The following LIMCH1 variants were observed in gnomAD, a reference collection of about 807,000 sequenced individuals.
LIMCH1 encodes the protein LIM and calponin homology domains 1.
LIMCH1 carries 113 observed loss-of-function variants against 176.5 expected under a neutral mutation model. The observed-to-expected ratio is 0.64, with a 90% CI of 0.55 to 0.75. The LOEUF is 0.75. Ranked by LOEUF, LIMCH1 falls within the 30% of genes least tolerant of loss-of-function variation. The pLI is 0.00. For missense variants in LIMCH1, 1,674 were observed against 1,814.9 expected, an observed-to-expected ratio of 0.92 and a Z score of 1.41; for synonymous variants, 619 against 645.9, an observed-to-expected ratio of 0.96 and a Z score of 0.63.
At chr4:41,692,420 T>TTTAC (rs1429885753) in intron 31 of LIMCH1, 36 bp downstream of exon 31, 1 of 1,271,732 alleles carries the variant, frequency 7.9e-7, no homozygotes, top group African/African-American at 1.5e-5. Context: ...GATGACCGAG[T>TTTAC]GTAATCGTAT....
rs934917599 is a variant in LIMCH1, at chr4:41,373,003, C to T, written c.96+12067C>T. 3.3e-5 allele frequency among the ~76,000 whole-genome samples: 5 copies of T among 152,126 alleles called. No individual in the cohort carries two copies. The East Asian group carries it at 5.8e-4, about 18-fold the overall frequency. ...ATTCATTCATCATATAGTTATTGAG[C>T]GTGTCCTAGGGACTCAGTAGTATGA... On this transcript the variant is annotated intron_variant, in intron 1 of 26. Coordinates refer to the LIMCH1 transcript ENST00000313860.
intron 1 of LIMCH1, among the ~76,000 whole-genome samples, chr4:41,419,249 C>T (rs1431393268): frequency 2.6e-5 from 4 of 151,994 alleles, no homozygotes; most frequent in African/African-American, 4.8e-5. Context: ...ACAATCTCAG[C>T]TCACTGCAAC....
Position 41,637,641 on chromosome 4 carries a change from A to G in LIMCH1, c.2091-1291A>G, listed in dbSNP as rs927539413. Among the ~76,000 whole-genome samples the G allele has an allele frequency of 3.3e-5, 5 of 152,236 alleles. No homozygotes were observed. In the East Asian group the frequency reaches 9.6e-4, roughly 29 times the overall value. On this transcript the variant is annotated intron_variant, in intron 13 of 31. Transcript: ENST00000503057. Reference sequence around the variant, plus strand: ...TCTTACTGCCAGAAGAAAAACATTCATAAACCCTTTCCTTGTCTTGTTTTT... The same window carrying G: ...TCTTACTGCCAGAAGAAAAACATTCGTAAACCCTTTCCTTGTCTTGTTTTT...
intron 1 of LIMCH1, among the ~76,000 whole-genome samples, chr4:41,424,330 A>G (rs1057436139): frequency 1.3e-5 from 2 of 152,206 alleles, no homozygotes; most frequent in Non-Finnish European, 2.9e-5. Flanking sequence ...CACCAAGCAT[A>G]TAGTGAGTGT....
intron 1 of LIMCH1, among the ~76,000 whole-genome samples, chr4:41,464,425 T>C (rs961411630): frequency 6.6e-6 from 1 of 150,644 alleles, no homozygotes; most frequent in Non-Finnish European, 1.5e-5. Flanking sequence ...CTGGAGTGCA[T>C]TGATGTGATC....
chr4:41,687,999 TTGCCAAATGATTTTGAGGGATG>T (rs1722286319), intron 29 of LIMCH1, 82 bp downstream of exon 29: 8 of 1,106,530 alleles, frequency 7.2e-6, no homozygotes, highest in Non-Finnish European at 1.1e-5. Context: ...GAATTAGTGC[TTGCCAAATGATTTTGAGGGATG>T]TGTCCATCCA....
intron 9 of LIMCH1, among the ~76,000 whole-genome samples, chr4:41,630,111 TTTAA>T (rs1212286274): frequency 6.6e-6 from 1 of 152,062 alleles, no homozygotes; most frequent in African/African-American, 2.4e-5. Flanking sequence ...TGGCCAAAAT[TTTAA>T]TTAATTAATT....
chr4:41,568,775 AATTG>A (rs762127550), intron 1 of LIMCH1, among the ~76,000 whole-genome samples: 4 of 152,300 alleles, frequency 2.6e-5, no homozygotes, highest in Non-Finnish European at 4.4e-5. Context: ...TTGACTTTGA[AATTG>A]ATTGCAGAGA....
chr4:41,426,170 C>A (rs1327991024), intron 1 of LIMCH1, among the ~76,000 whole-genome samples: 1 of 150,948 alleles, frequency 6.6e-6, no homozygotes, highest in Non-Finnish European at 1.5e-5. Flanking sequence ...TACAGGCGCC[C>A]GCCACTACGC....
At chr4:41,367,220 G>GT (rs1383847064) in intron 1 of LIMCH1, among the ~76,000 whole-genome samples, 2 of 152,192 alleles carry the variant, frequency 1.3e-5, no homozygotes, top group African/African-American at 4.8e-5. Flanking sequence ...GATGGCTAGT[G>GT]TATCTCAGGG....
chr4:41,448,460 G>A (rs1199078473), intron 1 of LIMCH1, among the ~76,000 whole-genome samples: 3 of 152,130 alleles, frequency 2.0e-5, no homozygotes, highest in Admixed American at 6.5e-5. Flanking sequence ...ATTTATCACA[G>A]TGCTCTCTCC....
chr4:41,433,574 C>G (rs1031962803), intron 1 of LIMCH1, among the ~76,000 whole-genome samples: 4 of 152,146 alleles, frequency 2.6e-5, no homozygotes, highest in African/African-American at 7.2e-5. Context: ...GGCCTTTCTA[C>G]CTGGCAGGTT....
chr4:41,614,305 G>T lies in LIMCH1; in HGVS notation c.205+644G>T, dbSNP rs116686108. 2.3e-3 allele frequency among the ~76,000 whole-genome samples: 357 copies of T among 152,212 alleles called. 1 individual carries two copies. The highest frequency in any genetic ancestry group is 7.5e-3 in the African/African-American group (312 of 41,548). The stretch of plus-strand genomic sequence containing the variant: ...CACTTGGAAGAAATGATCATTTTTC[G>T]TTACAAAAATGTGTAATCATGTAAC... On this transcript the variant is annotated intron_variant, in intron 5 of 31. Transcript: ENST00000503057.
At chr4:41,691,241 G>T (rs1487490431) in intron 30 of LIMCH1, among the ~76,000 whole-genome samples, 1 of 152,058 alleles carries the variant, frequency 6.6e-6, no homozygotes, top group Non-Finnish European at 1.5e-5. Context: ...GCCTCACTCT[G>T]TCCCAGGTCA....
chr4:41,420,465 A>G (rs1252085662), intron 1 of LIMCH1, among the ~76,000 whole-genome samples: 1 of 152,236 alleles, frequency 6.6e-6, no homozygotes, highest in Non-Finnish European at 1.5e-5. Flanking sequence ...AGATGATGCC[A>G]GAATATAGCC....
At chr4:41,419,592 T>TTCCTTCCTTCCG (rs1187680013) in intron 1 of LIMCH1, among the ~76,000 whole-genome samples, 1 of 90,186 alleles carries the variant, frequency 1.1e-5, no homozygotes, top group Non-Finnish European at 2.0e-5. Context: ...CCTTCCTTCC[T>TTCCTTCCTTCCG]TCCTTCCTTC....
intron 18 of LIMCH1, among the ~76,000 whole-genome samples, chr4:41,659,779 C>G (rs901885304): frequency 6.6e-6 from 1 of 152,088 alleles, no homozygotes; most frequent in African/African-American, 2.4e-5. Context: ...TTAACTTGCT[C>G]TCTTTAATTA....
At chr4:41,629,419 C>A in intron 8 of LIMCH1, 73 bp from the exon 9 acceptor site, 1 of 1,487,466 alleles carries the variant, frequency 6.7e-7, no homozygotes, top group Non-Finnish European at 9.0e-7. Context: ...CCATGCTTGA[C>A]ATTCTCTTTG....
intron 1 of LIMCH1, among the ~76,000 whole-genome samples, chr4:41,591,839 G>A (rs2087640779): frequency 6.6e-6 from 1 of 152,156 alleles, no homozygotes; most frequent in Non-Finnish European, 1.5e-5. Context: ...CAAGAAGGTT[G>A]GGCACAGAAG....
Sources: allele counts gnomAD v4.1 joint callset (sites outside exome capture counted in the v4.1 genomes callset), GRCh38; gene constraint gnomAD v4.1.1; transcripts MANE v1.5; gene names NCBI Gene and HGNC (gene_info 2026-07-23, HGNC 2026-07-21).